Variants in FILIP1L observed in about 807,000 individuals in gnomAD.
FILIP1L encodes the protein filamin A-interacting protein 1-like.
In FILIP1L, 55 loss-of-function variants were observed where a neutral mutation model predicts 96.6. That is an observed-to-expected ratio of 0.57 (90% CI 0.46 to 0.71). The LOEUF (loss-of-function observed/expected upper bound fraction) is 0.71, where lower values mean the gene tolerates loss of function less well. Among genes scored for constraint, FILIP1L ranks in the 30% least tolerant of loss-of-function variants. FILIP1L has a pLI of 0.00. For missense variants in FILIP1L, 1,304 were observed against 1,321.2 expected, an observed-to-expected ratio of 0.99 and a Z score of 0.20; for synonymous variants, 467 against 473.9, an observed-to-expected ratio of 0.99 and a Z score of 0.19.
chr3:100,018,927 A>C (rs570970640), intron 1 of FILIP1L, among the ~76,000 whole-genome samples: 1 of 152,294 alleles, frequency 6.6e-6, no homozygotes, highest in African/African-American at 2.4e-5. Context: ...ATAAATAGCC[A>C]AGAGGTATAT....
intron 1 of FILIP1L, among the ~76,000 whole-genome samples, chr3:100,008,727 C>T (rs1710059514): frequency 6.6e-6 from 1 of 152,314 alleles, no homozygotes; most frequent in East Asian, 1.9e-4. Flanking sequence ...GCTAGCCTTG[C>T]TTCTCTTACT....
intron 1 of FILIP1L, among the ~76,000 whole-genome samples, chr3:100,081,556 G>A (rs565146175): frequency 2.0e-5 from 3 of 152,258 alleles, no homozygotes; most frequent in East Asian, 1.9e-4. Flanking sequence ...AGATTCTTTG[G>A]TTGGGAATAA....
At chr3:99,949,634 C>T (rs1708117899) in intron 1 of FILIP1L, among the ~76,000 whole-genome samples, 2 of 152,138 alleles carry the variant, frequency 1.3e-5, no homozygotes, top group Non-Finnish European at 2.9e-5. Context: ...CTAAGAAAGA[C>T]AAAGAAGTGC....
chr3:99,901,449 G>A (rs1706433160), intron 4 of FILIP1L, among the ~76,000 whole-genome samples: 1 of 152,146 alleles, frequency 6.6e-6, no homozygotes, highest in Non-Finnish European at 1.5e-5. Context: ...CCTGTCCCTG[G>A]AGAAGCTATT....
intron 4 of FILIP1L, among the ~76,000 whole-genome samples, chr3:99,893,351 G>A (rs1360282641): frequency 6.6e-6 from 1 of 151,850 alleles, no homozygotes; most frequent in Non-Finnish European, 1.5e-5. Flanking sequence ...ATTTTTAGTG[G>A]AGACGGGGTT....
intron 3 of FILIP1L, among the ~76,000 whole-genome samples, chr3:99,927,456 G>A (rs985142359): frequency 6.6e-6 from 1 of 150,660 alleles, no homozygotes; most frequent in African/African-American, 2.4e-5. Flanking sequence ...CGCGATCTCC[G>A]CCTCCTGGGT....
At chr3:100,096,644 G>A (rs2066213946) in intron 1 of FILIP1L, among the ~76,000 whole-genome samples, 1 of 151,702 alleles carries the variant, frequency 6.6e-6, no homozygotes, top group East Asian at 1.9e-4. Context: ...GAGGAGATGG[G>A]GTTAGTTAAG....
In FILIP1L at chr3:100,074,675, ATTTTTTTTTTTTTTTTT is replaced by A. The variant is rs555819875; in HGVS notation, c.-11+39361_-11+39377del. ...ATTTTCTATGCATGTGCAACATTTGATTTTTTTTTTTTTTTTTTTTTTTTTTTTTTTTTTTTGAGACG... is the reference window on the plus strand; with the variant it reads ...ATTTTCTATGCATGTGCAACATTTGATTTTTTTTTTTTTTTTTTTGAGACG... On this transcript the variant is annotated intron_variant, in intron 1 of 5. Coordinates refer to ENST00000477258, the MANE Select transcript of FILIP1L (RefSeq NM_001387850.1). Among the ~76,000 whole-genome samples the A allele has an allele frequency of 3.4e-3, 118 of 34,802 alleles. 1 individual carries two copies. The East Asian group carries it at 0.085, about 25-fold the overall frequency. The allele number at this position is 34,802 out of a possible 152,430, so 22.8% of individuals were successfully genotyped here.
At chr3:100,066,339 C>A (rs2065662554) in intron 1 of FILIP1L, among the ~76,000 whole-genome samples, 1 of 152,072 alleles carries the variant, frequency 6.6e-6, no homozygotes, top group African/African-American at 2.4e-5. Flanking sequence ...GACAGTTACA[C>A]TTTTTTATTT....
chr3:100,052,297 T>C (rs1020280437), intron 1 of FILIP1L, among the ~76,000 whole-genome samples: 3 of 152,222 alleles, frequency 2.0e-5, no homozygotes, highest in African/African-American at 7.2e-5. Flanking sequence ...AATAAAAAAC[T>C]AATGCAGAGC....
rs969913047 is a variant in FILIP1L at position 99,938,082 on chromosome 3, C to T, written c.-10-7052G>A. On this transcript the variant is annotated intron_variant, in intron 1 of 5. Transcript: ENST00000477258. ...GTGTGTGTGTGTGTGTGTGCGCGCG[C>T]GCGCGCGCGTGCATGCACACTCGTG... Among the ~76,000 whole-genome samples the T allele has an allele frequency of 8.6e-5, 13 of 151,434 alleles. No homozygotes were observed. The East Asian group carries it at 1.2e-3, about 14-fold the overall frequency.
chr3:99,876,923 A>G (rs1163628457), intron 4 of FILIP1L, among the ~76,000 whole-genome samples: 4 of 152,236 alleles, frequency 2.6e-5, no homozygotes, highest in African/African-American at 9.6e-5. Flanking sequence ...ACAATGTATA[A>G]AATTAGAACT....
At chr3:100,062,045 A>T (rs1335928047) in intron 1 of FILIP1L, among the ~76,000 whole-genome samples, 1 of 147,664 alleles carries the variant, frequency 6.8e-6, no homozygotes, top group Non-Finnish European at 1.5e-5. Context: ...CTTCCCTAGT[A>T]ATACTTAGAG....
chr3:99,946,454 A>G (rs1708010827), intron 1 of FILIP1L, among the ~76,000 whole-genome samples: 1 of 152,174 alleles, frequency 6.6e-6, no homozygotes, highest in Admixed American at 6.5e-5. Context: ...CTGCTTTCTT[A>G]TTATTGAACC....
intron 1 of FILIP1L, among the ~76,000 whole-genome samples, chr3:99,989,682 A>AT (rs1448811033): frequency 3.6e-3 from 83 of 23,374 alleles, no homozygotes; most frequent in Middle Eastern, 0.091. Flanking sequence ...ATATATATAT[A>AT]TATTTTTTTT....
chr3:99,857,520 ATGTT>A (rs1262071231), intron 4 of FILIP1L, among the ~76,000 whole-genome samples: 2 of 152,318 alleles, frequency 1.3e-5, no homozygotes, highest in Admixed American at 6.5e-5. Flanking sequence ...CTGGACAAAT[ATGTT>A]TGTTTATTAC....
intron 1 of FILIP1L, among the ~76,000 whole-genome samples, chr3:100,054,047 A>G (rs1487133941): frequency 1.3e-5 from 2 of 152,256 alleles, no homozygotes; most frequent in Non-Finnish European, 2.9e-5. Flanking sequence ...TTGAAGAGCT[A>G]CATTATTTCC....
At chr3:99,836,303 A>G (rs1051812500) in intron 5 of FILIP1L, among the ~76,000 whole-genome samples, 6 of 152,170 alleles carry the variant, frequency 3.9e-5, no homozygotes, top group African/African-American at 1.2e-4. Context: ...TAGTTCCCAG[A>G]TGTTGAACCT....
intron 1 of FILIP1L, among the ~76,000 whole-genome samples, chr3:100,029,095 G>A (rs977610253): frequency 6.6e-6 from 1 of 152,060 alleles, no homozygotes; most frequent in Non-Finnish European, 1.5e-5. Flanking sequence ...GGGAGCTGAG[G>A]CAGAAGGATT....
Sources: gnomAD v4.1 joint callset for allele counts (sites outside exome capture counted in the v4.1 genomes callset) on GRCh38, gnomAD v4.1.1 for gene constraint, MANE v1.5 for transcripts, NCBI Gene and HGNC (gene_info 2026-07-23, HGNC 2026-07-21) for gene names.